Variants in EYA4 observed in about 807,000 individuals in gnomAD.
EYA4 encodes the protein protein phosphatase EYA4.
Under a neutral mutation model 87.9 loss-of-function variants are expected in EYA4, and 31 were observed. The ratio of observed to expected loss-of-function variants is 0.35; its 90% CI spans 0.27 to 0.48. EYA4 has a LOEUF of 0.48. Ranked by LOEUF, EYA4 falls within the 20% of genes least tolerant of loss-of-function variation. The probability of loss-of-function intolerance (pLI) is 0.99; values close to 1 mark genes in which losing one functional copy is unlikely to be tolerated. For synonymous variants in EYA4, 263 were observed against 270.6 expected, an observed-to-expected ratio of 0.97 and a Z score of 0.28; for missense variants, 678 against 761.4, an observed-to-expected ratio of 0.89 and a Z score of 1.29.
chr6:133,467,894 G>A (rs539509650), intron 10 of EYA4, among the ~76,000 whole-genome samples: 3 of 152,080 alleles, frequency 2.0e-5, no homozygotes, highest in Non-Finnish European at 4.4e-5. Context: ...TAAAAAGCAG[G>A]TCAGGGGTGT....
chr6:133,315,716 A>G (rs1370651506), intron 2 of EYA4, among the ~76,000 whole-genome samples: 2 of 152,208 alleles, frequency 1.3e-5, no homozygotes, highest in African/African-American at 4.8e-5. Context: ...AAGCTTGTGG[A>G]AGTGAATGAT....
At chr6:133,244,095 T>G (rs1774207752) in intron 1 of EYA4, among the ~76,000 whole-genome samples, 1 of 152,186 alleles carries the variant, frequency 6.6e-6, no homozygotes, top group Non-Finnish European at 1.5e-5. Context: ...GTTGAAAATG[T>G]CTCCTTTCTC....
At chr6:133,331,448 A>G (rs186691164) in intron 2 of EYA4, among the ~76,000 whole-genome samples, 273 of 152,350 alleles carry the variant, frequency 1.8e-3, no homozygotes, top group Non-Finnish European at 3.3e-3. Context: ...GATGGCACAG[A>G]AGGAAACATC....
At chr6:133,490,608 A>G (rs556028282) in intron 13 of EYA4, among the ~76,000 whole-genome samples, 7 of 152,288 alleles carry the variant, frequency 4.6e-5, no homozygotes, top group Non-Finnish European at 8.8e-5. Context: ...ATTAGACAAA[A>G]GAAGGTCATC....
intron 3 of EYA4, among the ~76,000 whole-genome samples, chr6:133,397,638 A>G (rs911814806): frequency 1.3e-5 from 2 of 152,184 alleles, no homozygotes; most frequent in South Asian, 2.1e-4. Context: ...TTATTTGCAT[A>G]TATGATATAT....
At chr6:133,249,508 C>T (rs950801939) in intron 1 of EYA4, among the ~76,000 whole-genome samples, 37 of 152,264 alleles carry the variant, frequency 2.4e-4, no homozygotes, top group African/African-American at 8.4e-4. Flanking sequence ...TTCCAAAATT[C>T]TCTGCAGGGA....
At chr6:133,391,390 G>C (rs1288145478) in intron 3 of EYA4, among the ~76,000 whole-genome samples, 1 of 151,812 alleles carries the variant, frequency 6.6e-6, no homozygotes, top group Non-Finnish European at 1.5e-5. Context: ...CCTAAGCAAA[G>C]GATTAATTTC....
intron 3 of EYA4, among the ~76,000 whole-genome samples, chr6:133,420,509 G>A (rs1025448184): frequency 6.6e-6 from 1 of 152,164 alleles, no homozygotes; most frequent in African/African-American, 2.4e-5. Context: ...TCTCTCACCT[G>A]GGAAAAAGTA....
chr6:133,298,730 T>C (rs1779133281), intron 2 of EYA4, among the ~76,000 whole-genome samples: 1 of 152,218 alleles, frequency 6.6e-6, no homozygotes, highest in Non-Finnish European at 1.5e-5. Flanking sequence ...CAGCAGTTCC[T>C]GGCTCAGAGG....
chr6:133,503,401 C>T (rs2128753287), intron 13 of EYA4, among the ~76,000 whole-genome samples: 1 of 152,300 alleles, frequency 6.6e-6, no homozygotes, highest in East Asian at 1.9e-4. Flanking sequence ...GGATAAGAGC[C>T]TAACCAACCT....
intron 3 of EYA4, among the ~76,000 whole-genome samples, chr6:133,418,052 A>G (rs541379191): frequency 6.6e-6 from 1 of 152,314 alleles, no homozygotes; most frequent in South Asian, 2.1e-4. Context: ...GCCTTAAGCT[A>G]TTGGTTTCCT....
At chr6:133,400,222 A>G (rs1788141282) in intron 3 of EYA4, among the ~76,000 whole-genome samples, 3 of 152,230 alleles carry the variant, frequency 2.0e-5, no homozygotes, top group African/African-American at 7.2e-5. Context: ...TTAGAAAATT[A>G]TATGCGGTGG....
chr6:133,369,000 A>C (rs896129557), intron 2 of EYA4, among the ~76,000 whole-genome samples: 2 of 152,248 alleles, frequency 1.3e-5, no homozygotes, highest in African/African-American at 4.8e-5. Flanking sequence ...TGTATCATTT[A>C]GAGCCAAACT....
intron 3 of EYA4, among the ~76,000 whole-genome samples, chr6:133,428,911 CTTTTTTTTTTTTTTTTTTT>C (rs58727159): frequency 2.1e-5 from 1 of 48,230 alleles, no homozygotes; most frequent in Non-Finnish European, 3.6e-5. Flanking sequence ...GATTTAGCTT[CTTTTTTTTTTTTTTTTTTT>C]TTTTTTTTTT....
chr6:133,284,576 G>A (rs1777882212), intron 2 of EYA4, among the ~76,000 whole-genome samples: 1 of 152,162 alleles, frequency 6.6e-6, no homozygotes. Context: ...AAGACTTCTT[G>A]CTATCCTCTA....
intron 3 of EYA4, among the ~76,000 whole-genome samples, chr6:133,384,689 A>G (rs1453591121): frequency 6.6e-6 from 1 of 152,146 alleles, no homozygotes; most frequent in Non-Finnish European, 1.5e-5. Flanking sequence ...ATATCTATCA[A>G]TAACATAAAA....
At chr6:133,305,671 C>T (rs1233025364) in intron 2 of EYA4, among the ~76,000 whole-genome samples, 1 of 152,082 alleles carries the variant, frequency 6.6e-6, no homozygotes, top group Non-Finnish European at 1.5e-5. Context: ...CATTGTACAG[C>T]CTCCTTAGCA....
At chr6:133,390,207 C>G (rs111715449) in intron 3 of EYA4, among the ~76,000 whole-genome samples, 1 of 151,608 alleles carries the variant, frequency 6.6e-6, no homozygotes, top group Non-Finnish European at 1.5e-5. Flanking sequence ...TGTCCACTCT[C>G]CTAGTTCTCT....
At chr6:133,459,747 A>G (rs1005947462) in intron 6 of EYA4, among the ~76,000 whole-genome samples, 22 of 152,116 alleles carry the variant, frequency 1.4e-4, no homozygotes, top group Admixed American at 7.2e-4. Context: ...AGTTTTGATA[A>G]ATATGTAGAA....
Sources: gnomAD v4.1 joint callset for allele counts (sites outside exome capture counted in the v4.1 genomes callset) on GRCh38, gnomAD v4.1.1 for gene constraint, MANE v1.5 for transcripts, NCBI Gene and HGNC (gene_info 2026-07-23, HGNC 2026-07-21) for gene names.